PWWP3A: variants seen among roughly 807,000 people sequenced by gnomAD.
PWWP3A encodes PWWP domain-containing DNA repair factor 3A.
PWWP3A carries 53 observed loss-of-function variants against 79.0 expected under a neutral mutation model. The observed-to-expected ratio is 0.67, with a 90% CI of 0.54 to 0.84. The LOEUF is 0.84. Among genes scored for constraint, PWWP3A ranks in the 40% least tolerant of loss-of-function variants. PWWP3A has a pLI of 0.00. For synonymous variants in PWWP3A, 443 were observed against 394.4 expected (o/e 1.12, Z -1.46); for missense variants, 973 against 948.0 (o/e 1.03, Z -0.35).
chr19:1,376,594 C>G lies in PWWP3A; in HGVS notation c.*18C>G. On this transcript the variant is annotated 3_prime_UTR_variant, in exon 14 of 14. Coordinates refer to ENST00000591337, the MANE Select transcript of PWWP3A (RefSeq NM_001369789.1). ...GTCGGTGAGGGAGCAGCCGGCTGTG[C>G]TGTCAGCGGGGCCTGGCGGTGGAAG... The G allele has an allele frequency of 6.2e-7, 1 of 1,613,022 alleles. No individual in the cohort carries two copies.
chr19:1,355,404 A>G (rs889709790), intron 1 of PWWP3A, among the ~76,000 whole-genome samples: 51 of 132,452 alleles, frequency 3.9e-4, no homozygotes, highest in Non-Finnish European at 6.1e-4. Context: ...CTGGACCCCT[A>G]TCTCCTTCCC....
chr19:1,376,824 G>T lies in PWWP3A; in HGVS notation c.*248G>T. On this transcript the variant is annotated 3_prime_UTR_variant, in exon 14 of 14. Coordinates refer to ENST00000591337, the MANE Select transcript of PWWP3A (RefSeq NM_001369789.1). ...GCATTTTTTACAAGATACCGTTCGGGAAAGGCTTTTGAAAGGACGGAAGCG... is the reference window on the plus strand; with the variant it reads ...GCATTTTTTACAAGATACCGTTCGGTAAAGGCTTTTGAAAGGACGGAAGCG... 2.3e-6 allele frequency: 1 copy of T among 436,574 alleles called. No individual in the cohort carries two copies. The highest frequency in any genetic ancestry group is 4.1e-6 in the Non-Finnish European group (1 of 243,714). The allele number at this position is 436,574 out of a possible 1,614,324, so 27.0% of individuals were successfully genotyped here. A position where few individuals can be genotyped will look rare whatever the true frequency, so the allele number is the denominator to read the frequency against.
rs1327853084 is a variant in PWWP3A at position 1,376,753 on chromosome 19, G to A, written c.*177G>A. 1 of 506,404 alleles carries A rather than the reference G, an allele frequency of 2.0e-6. No individual in the cohort carries two copies. The highest frequency in any genetic ancestry group is 2.0e-5 in the African/African-American group (1 of 50,460). 31.4% of individuals were successfully genotyped at this position (506,404 alleles called of 1,614,324 possible). A position where few individuals can be genotyped will look rare whatever the true frequency, so the allele number is the denominator to read the frequency against. On this transcript the variant is annotated 3_prime_UTR_variant, in exon 14 of 14. Transcript: ENST00000591337. Reference sequence around the variant, plus strand: ...CTGGAGAATCCATTTCGTTAACACTGAAAGCCAGTTCTCTTTTCCTGGCAG... The same window carrying A: ...CTGGAGAATCCATTTCGTTAACACTAAAAGCCAGTTCTCTTTTCCTGGCAG...
rs1600114358 is a variant in PWWP3A, at chr19:1,367,152, G to A, written c.1362-8G>A. ...TTCATGTTAACTTTTCCCTCTCTCT[G>A]CTTCAAGTTTCACAGTGTCTCTTAA... On this transcript the variant is annotated splice_polypyrimidine_tract_variant and splice_region_variant and intron_variant, in intron 8 of 13. Transcript: ENST00000591337. 2.5e-6 allele frequency: 4 copies of A among 1,609,944 alleles called. No individual in the cohort carries two copies. Among genetic ancestry groups the A allele is most frequent in the Non-Finnish European group, 3.4e-6 (4 of 1,177,658 alleles).
chr19:1,367,690 G>C (rs967095748), intron 9 of PWWP3A, among the ~76,000 whole-genome samples: 5 of 152,238 alleles, frequency 3.3e-5, no homozygotes, highest in Admixed American at 1.3e-4. Flanking sequence ...CGTGGCAGAC[G>C]TCTTGCTGCA....
At chr19:1,362,391 C>A (rs779785497) in intron 6 of PWWP3A, 40 bp downstream of exon 6, 1 of 1,532,014 alleles carries the variant, frequency 6.5e-7, no homozygotes, top group Non-Finnish European at 9.0e-7. Flanking sequence ...CCTAACGGTG[C>A]GCTCAGAGGC....
chr19:1,360,078 T>C lies in PWWP3A; in HGVS notation c.215-58T>C. On this transcript the variant is annotated intron_variant, in intron 4 of 13. Coordinates refer to ENST00000591337, the MANE Select transcript of PWWP3A (RefSeq NM_001369789.1). This position sits in a 1 kb window ranked among gnomAD's most constrained non-coding sequence, Gnocchi z 4.4. Reference sequence around the variant, plus strand: ...CAAGCGAGCTTCTAAAGCGATGCCGTGACCGCAGTGCCTGTGCAGTGAACG... The same window carrying C: ...CAAGCGAGCTTCTAAAGCGATGCCGCGACCGCAGTGCCTGTGCAGTGAACG... 2.0e-6 allele frequency: 3 copies of C among 1,481,020 alleles called. No homozygotes were observed. Among genetic ancestry groups the C allele is most frequent in the Non-Finnish European group, 1.8e-6 (2 of 1,116,890 alleles). The allele number at this position is 1,481,020 out of a possible 1,614,324, so 91.7% of individuals were successfully genotyped here.
intron 13 of PWWP3A, among the ~76,000 whole-genome samples, chr19:1,375,399 TATATATA>T (rs1457148225): frequency 8.0e-6 from 1 of 124,378 alleles, no homozygotes; most frequent in African/African-American, 3.1e-5. Flanking sequence ...CCCTCTCATA[TATATATA>T]ATATATATTA....
intron 4 of PWWP3A, 184 bp downstream of exon 4, chr19:1,358,648 C>A (rs764879393): frequency 8.5e-6 from 13 of 1,533,358 alleles, no homozygotes; most frequent in Non-Finnish European, 2.6e-6. Context: ...TTAAACCTTT[C>A]CAGAATTTGC....
chr19:1,366,436 T>G (rs1167094686), intron 8 of PWWP3A, 55 bp downstream of exon 8: 4 of 1,523,234 alleles, frequency 2.6e-6, no homozygotes, highest in Non-Finnish European at 3.6e-6. Context: ...GGCCGGCCGC[T>G]CTCAGAGTCA....
intron 2 of PWWP3A, among the ~76,000 whole-genome samples, chr19:1,356,711 A>G (rs1429757183): frequency 1.3e-5 from 2 of 152,116 alleles, no homozygotes; most frequent in African/African-American, 4.8e-5. Context: ...AACTCAAGGA[A>G]AGATCTGGCA....
chr19:1,369,745 C>T lies in PWWP3A; in HGVS notation c.1549+99C>T. ...AAGCTGTGGAAGGGGACGTTGGGGT[C>T]AAGGCACTGTCCGCAGCCACACAGC... On this transcript the variant is annotated intron_variant, in intron 11 of 13. Transcript: ENST00000591337. This position sits in a 1 kb window ranked among gnomAD's most constrained non-coding sequence, Gnocchi z 4.0. 7.6e-7 allele frequency: 1 copy of T among 1,318,804 alleles called. No individual in the cohort carries two copies. The highest frequency in any genetic ancestry group is 1.2e-5 in the South Asian group (1 of 84,862). The allele number at this position is 1,318,804 out of a possible 1,614,324, so 81.7% of individuals were successfully genotyped here.
Position 1,368,477 on chromosome 19 carries a change from T to C in PWWP3A, c.1423-788T>C, listed in dbSNP as rs2082175555. ...GGGATGATATTGGGGAAGCCGTGCT[T>C]TAGGAAAGTGCGGGGGCTGCTGGGC... On this transcript the variant is annotated intron_variant, in intron 9 of 13. Transcript: ENST00000591337. This position sits in a 1 kb window ranked among gnomAD's most constrained non-coding sequence, Gnocchi z 4.7. Among the ~76,000 whole-genome samples the C allele has an allele frequency of 6.6e-6, 1 of 152,106 alleles. No homozygotes were observed. Among genetic ancestry groups the C allele is most frequent in the Non-Finnish European group, 1.5e-5 (1 of 68,010 alleles).
chr19:1,369,629 A>G lies in PWWP3A; in HGVS notation c.1532A>G (p.Tyr511Cys), dbSNP rs1398575672. The change falls in exon 11 of 14, where the codon TAT becomes TGT. Residue 511 changes from tyrosine (Y) to cysteine (C), a missense_variant. Coordinates refer to ENST00000591337, the MANE Select transcript of PWWP3A (RefSeq NM_001369789.1). The surrounding 1 kb of genome is among the most constrained non-coding windows in gnomAD (Gnocchi z 4.0). ...CGSFAGSFLE[Y>C]YAADISYPVR... is the part of the protein sequence containing the mutation. ...TCTTTTGCTGGCTCTTTCCTGGAAT[A>G]TTACGCGGCTGATATAAGTAAGTCT... is the stretch of plus-strand genomic sequence containing the variant. 6.2e-7 allele frequency: 1 copy of G among 1,614,040 alleles called. No individual in the cohort carries two copies. Among genetic ancestry groups the G allele is most frequent in the East Asian group, 2.2e-5 (1 of 44,894 alleles).
chr19:1,376,209 A>G (rs1600135854), intron 13 of PWWP3A, among the ~76,000 whole-genome samples: 1 of 136,230 alleles, frequency 7.3e-6, no homozygotes, highest in East Asian at 2.1e-4. Context: ...CACTGCAAGC[A>G]CCACCTCCCG....
At chr19:1,372,997 G>T in intron 12 of PWWP3A, 75 bp from the exon 13 acceptor site, 1 of 1,316,978 alleles carries the variant, frequency 7.6e-7, no homozygotes, top group South Asian at 1.2e-5. Flanking sequence ...GGCTCCCTGC[G>T]GCCTTCTTAA....
At chr19:1,362,574 A>G (rs1376913632) in intron 6 of PWWP3A, among the ~76,000 whole-genome samples, 3 of 152,138 alleles carry the variant, frequency 2.0e-5, no homozygotes, top group Non-Finnish European at 2.9e-5. Flanking sequence ...CTGGGAAGAG[A>G]CGGCCCAGCC....
In PWWP3A at chr19:1,369,235, C is replaced by G. The variant is rs1257264293; in HGVS notation, c.1423-30C>G. On this transcript the variant is annotated intron_variant, in intron 9 of 13. Transcript: ENST00000591337. This position sits in a 1 kb window ranked among gnomAD's most constrained non-coding sequence, Gnocchi z 4.0. The stretch of plus-strand genomic sequence containing the variant: ...CCAGGGTGCTTGGCACTGCCTCCCA[C>G]TGACGCCTGCTGCCCGGATCTCATT... 9.3e-6 allele frequency: 15 copies of G among 1,612,100 alleles called. No homozygotes were observed. The highest frequency in any genetic ancestry group is 1.1e-5 in the Non-Finnish European group (13 of 1,178,576).
chr19:1,368,941 G>A lies in PWWP3A; in HGVS notation c.1423-324G>A, dbSNP rs1051905235. ...GACCAGCCCAAGCCATCGGGTCCCCGGTGCCCACCTGCGTTCAGATCAGCC... is the reference window on the plus strand; with the variant it reads ...GACCAGCCCAAGCCATCGGGTCCCCAGTGCCCACCTGCGTTCAGATCAGCC... On this transcript the variant is annotated intron_variant, in intron 9 of 13. Transcript: ENST00000591337. The surrounding 1 kb of genome is among the most constrained non-coding windows in gnomAD (Gnocchi z 4.7). 1.4e-5 allele frequency among the ~76,000 whole-genome samples: 2 copies of A among 141,714 alleles called. No homozygotes were observed. Among genetic ancestry groups the A allele is most frequent in the African/African-American group, 5.3e-5 (2 of 37,788 alleles). The allele number at this position is 141,714 out of a possible 152,430, so 93.0% of individuals were successfully genotyped here.
Sources: allele counts gnomAD v4.1 joint callset (sites outside exome capture counted in the v4.1 genomes callset), GRCh38; gene constraint gnomAD v4.1.1; non-coding constraint Gnocchi (gnomAD v3.1); transcripts MANE v1.5; gene names NCBI Gene and HGNC (gene_info 2026-07-23, HGNC 2026-07-21).